ABI1: variants seen among roughly 807,000 people sequenced by gnomAD.
ABI1 encodes the protein Abelson interactor 1.
Under a neutral mutation model 54.6 loss-of-function variants are expected in ABI1, and 14 were observed. That is an observed-to-expected ratio of 0.26 (90% CI 0.17 to 0.40). The LOEUF (loss-of-function observed/expected upper bound fraction) is 0.40, where lower values mean the gene tolerates loss of function less well. Among genes scored for constraint, ABI1 ranks in the 10% least tolerant of loss-of-function variants. The pLI is 1.00. For missense variants in ABI1, 443 were observed against 598.3 expected, an observed-to-expected ratio of 0.74 and a Z score of 2.71; for synonymous variants, 194 against 209.3, an observed-to-expected ratio of 0.93 and a Z score of 0.63.
intron 2 of ABI1, among the ~76,000 whole-genome samples, chr10:26,803,865 T>C (rs1044781419): frequency 2.0e-5 from 3 of 152,074 alleles, no homozygotes; most frequent in Non-Finnish European, 4.4e-5. Flanking sequence ...GTTCCTGTCA[T>C]CATTAAACTT....
chr10:26,761,661 T>TATATATATATATATATATATACACAC (rs1375832167), intron 7 of ABI1, among the ~76,000 whole-genome samples: 2 of 78,940 alleles, frequency 2.5e-5, no homozygotes, highest in Non-Finnish European at 4.7e-5. Flanking sequence ...TATATATATA[T>TATATATATATATATATATATACACAC]ACACACACAC....
intron 2 of ABI1, among the ~76,000 whole-genome samples, chr10:26,794,548 A>T (rs1843883663): frequency 6.6e-6 from 1 of 151,644 alleles, no homozygotes; most frequent in African/African-American, 2.4e-5. Context: ...GCACATGGGT[A>T]AGTTACTTAA....
At chr10:26,822,213 A>T (rs549983686) in intron 2 of ABI1, among the ~76,000 whole-genome samples, 5 of 152,206 alleles carry the variant, frequency 3.3e-5, no homozygotes, top group Non-Finnish European at 7.3e-5. Flanking sequence ...AACAAATGCA[A>T]AGAAGCGTTT....
At position 26,748,548 on chromosome 10, in the gene ABI1, T is replaced by TACTTCA; in HGVS notation, c.*16_*21dup. 6.4e-7 allele frequency: 1 copy of TACTTCA among 1,565,202 alleles called. No individual in the cohort carries two copies. Among genetic ancestry groups the TACTTCA allele is most frequent in the Non-Finnish European group, 8.7e-7 (1 of 1,149,974 alleles). On this transcript the variant is annotated 3_prime_UTR_variant, in exon 11 of 11. Transcript: ENST00000376140. ...ACAGTATGACTGAGTAATAAGAATCTACTTCAAAAGAAAAAAAAAAATTAA... is the reference window on the plus strand; with the variant it reads ...ACAGTATGACTGAGTAATAAGAATCTACTTCAACTTCAAAAGAAAAAAAAAAATTAA...
chr10:26,807,624 G>A (rs1359737161), intron 2 of ABI1, among the ~76,000 whole-genome samples: 3 of 152,142 alleles, frequency 2.0e-5, no homozygotes, highest in Admixed American at 6.5e-5. Context: ...AGCTCAGCCT[G>A]TAATACAGGC....
chr10:26,807,460 C>T (rs1588937603), intron 2 of ABI1, among the ~76,000 whole-genome samples: 1 of 151,926 alleles, frequency 6.6e-6, no homozygotes, highest in African/African-American at 2.4e-5. Context: ...CCAGCTTGGG[C>T]GACAAGAGTG....
Position 26,860,672 on chromosome 10 carries a change from AC to A in ABI1, c.117+74del. 8.2e-7 allele frequency: 1 copy of A among 1,224,592 alleles called. No individual in the cohort carries two copies. Among genetic ancestry groups the A allele is most frequent in the Non-Finnish European group, 1.2e-6 (1 of 833,436 alleles). The allele number at this position is 1,224,592 out of a possible 1,614,324, so 75.9% of individuals were successfully genotyped here. A position where few individuals can be genotyped will look rare whatever the true frequency, so the allele number is the denominator to read the frequency against. Reference sequence around the variant, plus strand: ...GCCGCTGAGGTCAGGGCAGTTCCCCACCCCGCCCAGTGGGCTGGTCACTCCG... The same window carrying A: ...GCCGCTGAGGTCAGGGCAGTTCCCCACCCGCCCAGTGGGCTGGTCACTCCG... On this transcript the variant is annotated intron_variant, in intron 1 of 10. Coordinates refer to ENST00000376140, the MANE Select transcript of ABI1 (RefSeq NM_001012750.3). The surrounding 1 kb of genome is among the most constrained non-coding windows in gnomAD (Gnocchi z 4.1).
chr10:26,822,310 T>A (rs2048032690), intron 2 of ABI1, among the ~76,000 whole-genome samples: 1 of 152,146 alleles, frequency 6.6e-6, no homozygotes, highest in Non-Finnish European at 1.5e-5. Context: ...ATTTGGTAGG[T>A]TCTTCTAAAG....
At chr10:26,783,172 A>G (rs79997818) in intron 2 of ABI1, among the ~76,000 whole-genome samples, 9 of 152,228 alleles carry the variant, frequency 5.9e-5, no homozygotes, top group Non-Finnish European at 1.2e-4. Flanking sequence ...ATGAACCTTG[A>G]GGACATTATT....
chr10:26,820,245 G>A (rs2047882216), intron 2 of ABI1, among the ~76,000 whole-genome samples: 1 of 152,120 alleles, frequency 6.6e-6, no homozygotes, highest in Admixed American at 6.6e-5. Context: ...CAGCTTGATA[G>A]TGGTAATCAT....
chr10:26,796,074 G>A (rs1379540989), intron 2 of ABI1, among the ~76,000 whole-genome samples: 2 of 152,124 alleles, frequency 1.3e-5, no homozygotes, highest in Non-Finnish European at 2.9e-5. Context: ...GGGTGACGGA[G>A]TGAGACCCAG....
At chr10:26,858,051 A>C (rs1213692257) in intron 1 of ABI1, among the ~76,000 whole-genome samples, 3 of 152,210 alleles carry the variant, frequency 2.0e-5, no homozygotes, top group African/African-American at 2.4e-5. Context: ...CTGCACTTTC[A>C]AACTGTAGAA....
chr10:26,803,943 T>C (rs1037590874), intron 2 of ABI1, among the ~76,000 whole-genome samples: 3 of 151,820 alleles, frequency 2.0e-5, no homozygotes, highest in Non-Finnish European at 2.9e-5. Context: ...AAACCTGGTA[T>C]GTAGTACAAA....
chr10:26,768,787 G>T, intron 6 of ABI1, 65 bp downstream of exon 6: 1 of 1,450,692 alleles, frequency 6.9e-7, no homozygotes, highest in Non-Finnish European at 9.4e-7. Flanking sequence ...CACCTCCATA[G>T]GAGTTTGTCG....
rs759168273 is a variant in ABI1, at chr10:26,823,207, T to G, written c.216A>C (p.Val72=). 62 of 1,605,816 alleles carry G rather than the reference T, an allele frequency of 3.9e-5. No individual in the cohort carries two copies. The highest frequency in any genetic ancestry group is 3.1e-4 in the Admixed American group (18 of 58,090). The change falls in exon 2 of 11, where the codon GTA becomes GTC. Residue 72 remains valine, a synonymous_variant. Coordinates refer to ENST00000376140, the MANE Select transcript of ABI1 (RefSeq NM_001012750.3). ...AGGCTTGGATATCCAGCAACTGGAG[T>G]ACATTGTTGGCCAATGCATTTATTT... ...AYQINALANN[V]LQLLDIQASQ...
chr10:26,788,111 G>C (rs1230772443), intron 2 of ABI1, among the ~76,000 whole-genome samples: 1 of 152,140 alleles, frequency 6.6e-6, no homozygotes, highest in Non-Finnish European at 1.5e-5. Context: ...CCCTCATACT[G>C]TTCTCGTGGT....
chr10:26,834,548 A>AACACACACACACACAC (rs571268846), intron 1 of ABI1, among the ~76,000 whole-genome samples: 1 of 138,546 alleles, frequency 7.2e-6, no homozygotes, highest in Non-Finnish European at 1.6e-5. Context: ...AGACATACAA[A>AACACACACACACACAC]ACACACACAC....
chr10:26,817,089 T>A (rs2047621612), intron 2 of ABI1, among the ~76,000 whole-genome samples: 3 of 151,736 alleles, frequency 2.0e-5, no homozygotes, highest in Admixed American at 6.6e-5. Flanking sequence ...AACTTCTGCC[T>A]CCCGAGTTGA....
chr10:26,784,348 C>T (rs1842475138), intron 2 of ABI1, among the ~76,000 whole-genome samples: 1 of 152,164 alleles, frequency 6.6e-6, no homozygotes, highest in African/African-American at 2.4e-5. Context: ...CAGATGAATG[C>T]CATTGAGTTG....
Sources: allele counts gnomAD v4.1 joint callset (sites outside exome capture counted in the v4.1 genomes callset), GRCh38; gene constraint gnomAD v4.1.1; non-coding constraint Gnocchi (gnomAD v3.1); transcripts MANE v1.5; gene names NCBI Gene and HGNC (gene_info 2026-07-23, HGNC 2026-07-21).